TMEM117: variants seen among roughly 807,000 people sequenced by gnomAD.
The protein encoded by TMEM117 is transmembrane protein 117.
Under a neutral mutation model 52.4 loss-of-function variants are expected in TMEM117, and 27 were observed. That is an observed-to-expected ratio of 0.51 (90% CI 0.38 to 0.71). The LOEUF (loss-of-function observed/expected upper bound fraction) is 0.71, where lower values mean the gene tolerates loss of function less well. Among genes scored for constraint, TMEM117 ranks in the 30% least tolerant of loss-of-function variants. TMEM117 has a pLI of 0.00. For missense variants in TMEM117, 556 were observed against 630.5 expected (o/e 0.88, Z 1.26); for synonymous variants, 215 against 206.3 (o/e 1.04, Z -0.36).
chr12:44,041,782 A>G (rs1946802554), intron 3 of TMEM117, among the ~76,000 whole-genome samples: 3 of 152,168 alleles, frequency 2.0e-5, no homozygotes, highest in Admixed American at 2.0e-4. Flanking sequence ...ATGATCAAGT[A>G]GGGTTTATTC....
At position 44,389,065 on chromosome 12, in the gene TMEM117, T is replaced by TAAG; in HGVS notation, c.*394_*395insAGA. ...ACCTATTTCACATGGGCGTTTTGTA[T>TAAG]ACAACTATTTTGATCTACACTTGAT... On this transcript the variant is annotated 3_prime_UTR_variant, in exon 8 of 8. Coordinates refer to ENST00000266534, the MANE Select transcript of TMEM117 (RefSeq NM_032256.3). 1 of 154,198 alleles carries TAAG rather than the reference T, an allele frequency of 6.5e-6. No homozygotes were observed. The highest frequency in any genetic ancestry group is 1.4e-5 in the Non-Finnish European group (1 of 70,054). The allele number at this position is 154,198 out of a possible 1,614,324, so 9.6% of individuals were successfully genotyped here. A position where few individuals can be genotyped will look rare whatever the true frequency, so the allele number is the denominator to read the frequency against.
chr12:43,800,581 C>G, the TMEM117 span: 6 of 1,376,540 alleles, frequency 4.4e-6, no homozygotes, highest in Middle Eastern at 1.8e-4. Context: ...CATAACATTA[C>G]AAAAGCAAGC....
chr12:43,996,787 A>G (rs1946038349), intron 3 of TMEM117, among the ~76,000 whole-genome samples: 1 of 152,176 alleles, frequency 6.6e-6, no homozygotes, highest in Non-Finnish European at 1.5e-5. Context: ...GGCAGTCTTT[A>G]GTCGGATCAG....
At chr12:44,379,337 C>T (rs568372309) in intron 7 of TMEM117, among the ~76,000 whole-genome samples, 1 of 152,204 alleles carries the variant, frequency 6.6e-6, no homozygotes, top group Admixed American at 6.5e-5. Context: ...GCCTGGGCAA[C>T]AGAGCCAGAT....
the TMEM117 span, chr12:43,806,343 G>A: frequency 7.9e-7 from 1 of 1,272,784 alleles, no homozygotes; most frequent in Non-Finnish European, 9.9e-7. Flanking sequence ...GCCCCGGCGC[G>A]TCATCCGCCC....
chr12:44,280,944 G>T (rs1199145565), intron 5 of TMEM117, among the ~76,000 whole-genome samples: 1 of 152,144 alleles, frequency 6.6e-6, no homozygotes, highest in Non-Finnish European at 1.5e-5. Context: ...TCAAACTGAT[G>T]AGTGGGTCCC....
At chr12:44,387,638 C>G (rs929686463) in intron 7 of TMEM117, among the ~76,000 whole-genome samples, 4 of 152,048 alleles carry the variant, frequency 2.6e-5, no homozygotes, top group African/African-American at 9.7e-5. Context: ...AAGAGATGTT[C>G]AATCATACAT....
At chr12:43,971,552 A>G (rs1430262321) in intron 3 of TMEM117, among the ~76,000 whole-genome samples, 3 of 152,196 alleles carry the variant, frequency 2.0e-5, no homozygotes, top group Non-Finnish European at 2.9e-5. Flanking sequence ...TTCACTGCCT[A>G]TACCCTGGCA....
the TMEM117 span, chr12:43,797,883 T>C: frequency 4.5e-6 from 7 of 1,571,384 alleles, no homozygotes; most frequent in Admixed American, 1.9e-5. Flanking sequence ...CAGTATCCTA[T>C]GGCAAACATA....
Position 44,076,922 on chromosome 12 carries a change from G to A in TMEM117, c.411-66603G>A, listed in dbSNP as rs186583267. On this transcript the variant is annotated intron_variant, in intron 3 of 7. Coordinates refer to ENST00000266534, the MANE Select transcript of TMEM117 (RefSeq NM_032256.3). ...ATTGATTTGACAGTTTGGGCCATTAGAATGAAGGCCCAACTAAGAAGCAGA... is the reference window on the plus strand; with the variant it reads ...ATTGATTTGACAGTTTGGGCCATTAAAATGAAGGCCCAACTAAGAAGCAGA... Among the ~76,000 whole-genome samples the A allele has an allele frequency of 9.2e-5, 14 of 152,264 alleles. No homozygotes were observed. In the East Asian group the frequency reaches 2.3e-3, roughly 25 times the overall value.
chr12:44,205,008 G>A (rs1023022043), intron 4 of TMEM117, among the ~76,000 whole-genome samples: 5 of 152,222 alleles, frequency 3.3e-5, no homozygotes, highest in South Asian at 2.1e-4. Flanking sequence ...ATTTTATGAC[G>A]AAGTTCCCGT....
intron 7 of TMEM117, among the ~76,000 whole-genome samples, chr12:44,382,488 G>A (rs1013035130): frequency 6.6e-6 from 1 of 152,074 alleles, no homozygotes; most frequent in Non-Finnish European, 1.5e-5. Context: ...TTTACAAGTT[G>A]GTTAACAGAT....
intron 3 of TMEM117, among the ~76,000 whole-genome samples, chr12:44,082,421 G>C (rs1023694116): frequency 4.6e-5 from 7 of 151,924 alleles, no homozygotes; most frequent in Admixed American, 1.3e-4. Context: ...TTCTAAGTCA[G>C]TGTATCTATA....
intron 3 of TMEM117, among the ~76,000 whole-genome samples, chr12:44,116,900 G>A (rs906633851): frequency 6.6e-6 from 1 of 152,224 alleles, no homozygotes; most frequent in South Asian, 2.1e-4. Context: ...CTCTGCAGTA[G>A]CCTCCTAACT....
chr12:44,295,441 T>C (rs2138630767), intron 5 of TMEM117, among the ~76,000 whole-genome samples: 1 of 152,284 alleles, frequency 6.6e-6, no homozygotes, highest in Non-Finnish European at 1.5e-5. Context: ...ACTCCTGACC[T>C]CAAGCAATCC....
chr12:44,171,965 G>T (rs984180975), intron 4 of TMEM117, among the ~76,000 whole-genome samples: 2 of 152,162 alleles, frequency 1.3e-5, no homozygotes, highest in Non-Finnish European at 2.9e-5. Context: ...TAGCTCAAGG[G>T]AGCTAACATC....
intron 4 of TMEM117, among the ~76,000 whole-genome samples, chr12:44,188,938 T>C: frequency 6.6e-6 from 1 of 152,164 alleles, no homozygotes. Context: ...TTTTTATTGG[T>C]ACATAATAGA....
chr12:44,388,870 C>A lies in TMEM117; in HGVS notation c.*198C>A. The A allele has an allele frequency of 1.6e-6, 1 of 609,188 alleles. No individual in the cohort carries two copies. The highest frequency in any genetic ancestry group is 2.1e-5 in the South Asian group (1 of 47,142). The allele number at this position is 609,188 out of a possible 1,614,324, so 37.7% of individuals were successfully genotyped here. A position where few individuals can be genotyped will look rare whatever the true frequency, so the allele number is the denominator to read the frequency against. On this transcript the variant is annotated 3_prime_UTR_variant, in exon 8 of 8. Coordinates refer to ENST00000266534, the MANE Select transcript of TMEM117 (RefSeq NM_032256.3). Reference sequence around the variant, plus strand: ...ATAATACACGTGCCTACTGTATACTCAACAGTCCTCTAGAGATTGCTTTTC... The same window carrying A: ...ATAATACACGTGCCTACTGTATACTAAACAGTCCTCTAGAGATTGCTTTTC...
intron 5 of TMEM117, among the ~76,000 whole-genome samples, chr12:44,253,352 C>T (rs1950218157): frequency 6.6e-6 from 1 of 152,132 alleles, no homozygotes; most frequent in Admixed American, 6.6e-5. Context: ...GGATGATGAA[C>T]TTAAAATGTT....
Sources: gnomAD v4.1 joint callset for allele counts (sites outside exome capture counted in the v4.1 genomes callset) on GRCh38, gnomAD v4.1.1 for gene constraint, MANE v1.5 for transcripts, NCBI Gene and HGNC (gene_info 2026-07-23, HGNC 2026-07-21) for gene names.